The following HSD17B6 variants were observed in gnomAD, a reference collection of about 807,000 sequenced individuals.
HSD17B6 encodes the protein 17-beta-hydroxysteroid dehydrogenase type 6.
HSD17B6 carries 16 observed loss-of-function variants against 26.4 expected under a neutral mutation model. The ratio of observed to expected loss-of-function variants is 0.61; its 90% CI spans 0.41 to 0.92. HSD17B6 has a LOEUF of 0.92. HSD17B6 is among the 40% of genes least tolerant of loss of function. HSD17B6 has a pLI of 0.00. For synonymous variants in HSD17B6, 139 were observed against 153.0 expected (o/e 0.91, Z 0.68); for missense variants, 357 against 386.1 (o/e 0.92, Z 0.63).
At chr12:56,783,159 C>T (rs1239947401) in intron 3 of HSD17B6, among the ~76,000 whole-genome samples, 1 of 152,128 alleles carries the variant, frequency 6.6e-6, no homozygotes, top group Non-Finnish European at 1.5e-5. Context: ...CTGTTGGGTA[C>T]ACCTCCCAGA....
chr12:56,778,605 A>G (rs186604401), intron 2 of HSD17B6, among the ~76,000 whole-genome samples: 4 of 148,044 alleles, frequency 2.7e-5, no homozygotes. Context: ...TTTTCTTTCT[A>G]GTCCTTCTCT....
intron 3 of HSD17B6, among the ~76,000 whole-genome samples, chr12:56,783,640 C>T (rs1441630265): frequency 4.2e-5 from 2 of 47,214 alleles, no homozygotes; most frequent in African/African-American, 1.2e-4. Flanking sequence ...GGGTGGGGGG[C>T]TGACCCCCCC....
At chr12:56,765,751 C>T (rs1169341867) in intron 1 of HSD17B6, among the ~76,000 whole-genome samples, 1 of 152,034 alleles carries the variant, frequency 6.6e-6, no homozygotes, top group African/African-American at 2.4e-5. Context: ...AAGGAATTCG[C>T]CTACCTCAGC....
At chr12:56,763,822 C>A (rs1954258347) in intron 1 of HSD17B6, among the ~76,000 whole-genome samples, 1 of 151,908 alleles carries the variant, frequency 6.6e-6, no homozygotes, top group Non-Finnish European at 1.5e-5. Context: ...GATCCCAGAA[C>A]TCTGAGAGGT....
intron 2 of HSD17B6, among the ~76,000 whole-genome samples, chr12:56,776,709 C>T (rs538274121): frequency 8.6e-5 from 13 of 152,040 alleles, no homozygotes; most frequent in East Asian, 1.9e-4. Flanking sequence ...TGAAGTGCAG[C>T]GGTGCAATAA....
intron 1 of HSD17B6, among the ~76,000 whole-genome samples, chr12:56,773,031 T>C (rs1267481089): frequency 6.6e-6 from 1 of 152,172 alleles, no homozygotes; most frequent in Non-Finnish European, 1.5e-5. Context: ...CCAACATGTA[T>C]AGATTACTAA....
chr12:56,784,483 C>T (rs1054162600), intron 3 of HSD17B6, among the ~76,000 whole-genome samples: 27 of 152,178 alleles, frequency 1.8e-4, no homozygotes, highest in Admixed American at 3.3e-4. Flanking sequence ...GAGACCGGCC[C>T]GGCCAACACA....
chr12:56,783,643 AC>A (rs374504055), intron 3 of HSD17B6, among the ~76,000 whole-genome samples: 77,230 of 115,180 alleles, frequency 0.67, 25,914 homozygotes, highest in East Asian at 0.74. Flanking sequence ...TGGGGGGCTG[AC>A]CCCCCCCACC....
intron 2 of HSD17B6, among the ~76,000 whole-genome samples, chr12:56,781,575 G>A (rs1294221745): frequency 2.0e-5 from 3 of 152,086 alleles, no homozygotes; most frequent in African/African-American, 7.2e-5. Flanking sequence ...AGGCTGAGGC[G>A]GGTGGATCAC....
chr12:56,776,172 C>T (rs1027676597), intron 2 of HSD17B6, among the ~76,000 whole-genome samples: 2 of 152,144 alleles, frequency 1.3e-5, no homozygotes, highest in East Asian at 1.9e-4. Flanking sequence ...GTGATCTGCC[C>T]GCCTTGGCCT....
Position 56,774,158 on chromosome 12 carries a change from G to A in HSD17B6, c.306G>A (p.Gly102=), listed in dbSNP as rs267603590. 4.5e-6 allele frequency: 7 copies of A among 1,548,430 alleles called. No homozygotes were observed. The highest frequency in any genetic ancestry group is 2.3e-5 in the East Asian group (1 of 44,218). Residue 102 remains glycine (G), a synonymous_variant, in exon 2 of 5, where the codon GGG becomes GGA. Coordinates refer to ENST00000322165, the MANE Select transcript of HSD17B6 (RefSeq NM_003725.4). ...AATQWVKEHV[G]DRGLWGLVNN... ...CTCAGTGGGTGAAGGAGCATGTGGG[G>A]GACAGAGGTATGAAATATTTTCTCC...
At chr12:56,786,249 G>GT (rs56722036) in intron 4 of HSD17B6, among the ~76,000 whole-genome samples, 2,296 of 127,106 alleles carry the variant, frequency 0.018, 35 homozygotes, top group Non-Finnish European at 0.025. Context: ...TAAGTTGTGT[G>GT]TTTTTTTTTT....
chr12:56,779,726 T>C (rs940195618), intron 2 of HSD17B6, among the ~76,000 whole-genome samples: 1 of 152,142 alleles, frequency 6.6e-6, no homozygotes. Flanking sequence ...ATACATGCTC[T>C]TGCTGCTGTG....
rs2137940559 is a variant in HSD17B6 at position 56,787,513 on chromosome 12, C to G, written c.*171C>G. 1 of 596,808 alleles carries G rather than the reference C, an allele frequency of 1.7e-6. No homozygotes were observed. Among genetic ancestry groups the G allele is most frequent in the Non-Finnish European group, 3.0e-6 (1 of 338,538 alleles). The allele number at this position is 596,808 out of a possible 1,614,324, so 37.0% of individuals were successfully genotyped here. A position where few individuals can be genotyped will look rare whatever the true frequency, so the allele number is the denominator to read the frequency against. ...ATGTTTATATTTCAGATATCCAAAG[C>G]TTACCACTTTAGGTGATGAATCTTT... On this transcript the variant is annotated 3_prime_UTR_variant, in exon 5 of 5. Coordinates refer to ENST00000322165, the MANE Select transcript of HSD17B6 (RefSeq NM_003725.4).
intron 1 of HSD17B6, among the ~76,000 whole-genome samples, chr12:56,772,636 G>C (rs1332096697): frequency 6.6e-6 from 1 of 150,738 alleles, no homozygotes; most frequent in East Asian, 1.9e-4. Flanking sequence ...GGCGGAGGTT[G>C]CAGTGAGCTG....
chr12:56,768,738 CAGA>C lies in HSD17B6; in HGVS notation c.-19-5093_-19-5091del, dbSNP rs1416135484. 1.2e-4 allele frequency among the ~76,000 whole-genome samples: 12 copies of C among 104,340 alleles called. No homozygotes were observed. In the Admixed American group the frequency reaches 1.6e-3, roughly 14 times the overall value. 68.5% of individuals were successfully genotyped at this position (104,340 alleles called of 152,430 possible). On this transcript the variant is annotated intron_variant, in intron 1 of 4. Coordinates refer to ENST00000322165, the MANE Select transcript of HSD17B6 (RefSeq NM_003725.4). ...AAGGGAGGAGTCAAATGGAGGCAAA[CAGA>C]AGGTTTGCCTTATATTGGCGGTGGG...
intron 1 of HSD17B6, among the ~76,000 whole-genome samples, chr12:56,765,241 C>T (rs2137890901): frequency 6.6e-6 from 1 of 152,014 alleles, no homozygotes; most frequent in East Asian, 2.0e-4. Context: ...TTGAGACCAG[C>T]CTGGGCAATA....
chr12:56,763,924 C>T (rs747227992), intron 1 of HSD17B6, among the ~76,000 whole-genome samples: 1 of 151,628 alleles, frequency 6.6e-6, no homozygotes, highest in Non-Finnish European at 1.5e-5. Context: ...AAAAAATTAG[C>T]TAGGTGTGGT....
chr12:56,784,828 C>A lies in HSD17B6; in HGVS notation c.573-25C>A, dbSNP rs1218579418. On this transcript the variant is annotated intron_variant, in intron 3 of 4. Coordinates refer to ENST00000322165, the MANE Select transcript of HSD17B6 (RefSeq NM_003725.4). ...CATTGAAATGGTGGTGGTCTTTAAT[C>A]ATAACTTGTGGGGTTTTATTTCAGG... 2.5e-6 allele frequency: 4 copies of A among 1,603,510 alleles called. No individual in the cohort carries two copies. In the Admixed American group the frequency reaches 7.0e-5, roughly 28 times the overall value.
Sources: gnomAD v4.1 joint callset for allele counts (sites outside exome capture counted in the v4.1 genomes callset) on GRCh38, gnomAD v4.1.1 for gene constraint, MANE v1.5 for transcripts, NCBI Gene and HGNC (gene_info 2026-07-23, HGNC 2026-07-21) for gene names.